Variants in CTNNA2 observed in about 807,000 individuals in gnomAD.
The protein encoded by CTNNA2 is catenin alpha-2.
In CTNNA2, 42 loss-of-function variants were observed where a neutral mutation model predicts 101.0. The ratio of observed to expected loss-of-function variants is 0.42; its 90% CI spans 0.32 to 0.54. The LOEUF is 0.54. Among genes scored for constraint, CTNNA2 ranks in the 20% least tolerant of loss-of-function variants. CTNNA2 has a pLI of 0.14. For synonymous variants in CTNNA2, 450 were observed against 456.4 expected (o/e 0.99, Z 0.18); for missense variants, 871 against 1,223.1 (o/e 0.71, Z 4.29).
chr2:80,607,671 A>C (rs1698144468), intron 16 of CTNNA2, among the ~76,000 whole-genome samples: 1 of 151,886 alleles, frequency 6.6e-6, no homozygotes, highest in African/African-American at 2.4e-5. Flanking sequence ...ATTAAATTCC[A>C]AAAAGTGTAA....
chr2:79,473,556 G>A (rs545342975), intron 4 of CTNNA2, among the ~76,000 whole-genome samples: 4 of 152,154 alleles, frequency 2.6e-5, no homozygotes, highest in South Asian at 2.1e-4. Context: ...TAATTATAGC[G>A]TATTCACATC....
In CTNNA2 at chr2:79,569,005, G is replaced by A. The variant is rs374154898; in HGVS notation, c.-6+55798G>A. Among the ~76,000 whole-genome samples, 155 of 152,054 alleles carry A rather than the reference G, an allele frequency of 1.0e-3. 3 individuals carry two copies. In the East Asian group the frequency reaches 0.021, roughly 20 times the overall value. On this transcript the variant is annotated intron_variant, in intron 1 of 18. Coordinates refer to ENST00000402739, the MANE Select transcript of CTNNA2 (RefSeq NM_001282597.3). ...GGTGAGATCATACCCCTGCACTACA[G>A]CCTTGGTTACAGAGCAAGACCCCGT...
intron 7 of CTNNA2, among the ~76,000 whole-genome samples, chr2:80,379,430 A>G (rs1676296164): frequency 6.6e-6 from 1 of 152,016 alleles, no homozygotes; most frequent in African/African-American, 2.4e-5. Context: ...GTATTGTTTT[A>G]GTGTGTCAGA....
chr2:79,808,099 T>A (rs192068408), intron 3 of CTNNA2, among the ~76,000 whole-genome samples: 1 of 152,182 alleles, frequency 6.6e-6, no homozygotes, highest in Non-Finnish European at 1.5e-5. Context: ...GAAATGCTGA[T>A]GAGAGTAATT....
intron 7 of CTNNA2, among the ~76,000 whole-genome samples, chr2:80,276,532 G>T (rs1673915826): frequency 6.6e-6 from 1 of 152,166 alleles, no homozygotes; most frequent in African/African-American, 2.4e-5. Flanking sequence ...GACTCTATAA[G>T]AAGCATGGTG....
chr2:80,318,216 C>T (rs1277753574), intron 7 of CTNNA2, among the ~76,000 whole-genome samples: 2 of 152,110 alleles, frequency 1.3e-5, no homozygotes, highest in Non-Finnish European at 2.9e-5. Context: ...GAATCATACT[C>T]CCAGAAGTCC....
chr2:79,280,216 ATC>A (rs1381465778), intron 2 of CTNNA2, among the ~76,000 whole-genome samples: 1 of 152,094 alleles, frequency 6.6e-6, no homozygotes, highest in Non-Finnish European at 1.5e-5. Context: ...ACCCATAATT[ATC>A]TGTTTCTCCT....
At chr2:80,195,010 C>T (rs1178366782) in intron 7 of CTNNA2, among the ~76,000 whole-genome samples, 2 of 152,050 alleles carry the variant, frequency 1.3e-5, no homozygotes, top group Non-Finnish European at 2.9e-5. Context: ...TAGTTTGCTT[C>T]GTGTATTTTA....
chr2:79,893,117 A>T (rs547380224), intron 6 of CTNNA2, among the ~76,000 whole-genome samples: 2 of 152,128 alleles, frequency 1.3e-5, no homozygotes, highest in Non-Finnish European at 2.9e-5. Flanking sequence ...TATGATAGGT[A>T]GTAAAAAAAT....
chr2:79,570,905 A>G (rs1290694002), intron 1 of CTNNA2, among the ~76,000 whole-genome samples: 21 of 152,138 alleles, frequency 1.4e-4, no homozygotes, highest in Admixed American at 1.0e-3. Flanking sequence ...GAAACATCCA[A>G]ACTCCAAAGT....
intron 9 of CTNNA2, among the ~76,000 whole-genome samples, chr2:80,500,565 A>G (rs1023904790): frequency 2.0e-5 from 3 of 152,242 alleles, no homozygotes; most frequent in Admixed American, 6.5e-5. Flanking sequence ...GAAAGAGGAC[A>G]TTGAAAAATT....
intron 7 of CTNNA2, among the ~76,000 whole-genome samples, chr2:80,048,802 G>A (rs2104319022): frequency 6.6e-6 from 1 of 152,292 alleles, no homozygotes; most frequent in African/African-American, 2.4e-5. Context: ...TGTAGGTGAA[G>A]GAAAGGAAGA....
chr2:79,288,946 C>G (rs1026597965), intron 2 of CTNNA2, among the ~76,000 whole-genome samples: 2 of 145,014 alleles, frequency 1.4e-5, no homozygotes, highest in African/African-American at 5.8e-5. Flanking sequence ...AAAAAGAAAA[C>G]AAGTCACTTA....
chr2:79,728,398 T>C (rs531686507), intron 2 of CTNNA2, among the ~76,000 whole-genome samples: 2 of 152,362 alleles, frequency 1.3e-5, no homozygotes, highest in African/African-American at 4.8e-5. Flanking sequence ...TGTCTGTTGA[T>C]ATCCTTCACC....
intron 7 of CTNNA2, among the ~76,000 whole-genome samples, chr2:80,012,427 T>C (rs1335762789): frequency 6.6e-6 from 1 of 152,138 alleles, no homozygotes; most frequent in East Asian, 1.9e-4. Context: ...GGGGCTACAT[T>C]TCCTAAGATT....
chr2:79,803,438 T>C (rs1378265299), intron 3 of CTNNA2, among the ~76,000 whole-genome samples: 1 of 152,210 alleles, frequency 6.6e-6, no homozygotes, highest in Non-Finnish European at 1.5e-5. Context: ...ACTAAAAGTA[T>C]CCCTTATGGG....
intron 9 of CTNNA2, among the ~76,000 whole-genome samples, chr2:80,512,252 A>G (rs916623116): frequency 2.0e-5 from 3 of 152,112 alleles, no homozygotes; most frequent in African/African-American, 7.2e-5. Flanking sequence ...TGTTTTAAAA[A>G]TATACAAATA....
At chr2:79,809,031 C>T (rs569587127) in intron 3 of CTNNA2, among the ~76,000 whole-genome samples, 2 of 152,250 alleles carry the variant, frequency 1.3e-5, no homozygotes, top group South Asian at 2.1e-4. Flanking sequence ...TGAGTGAGAA[C>T]ATGCGGTGTT....
intron 2 of CTNNA2, among the ~76,000 whole-genome samples, chr2:79,677,106 A>G (rs968204226): frequency 3.0e-4 from 46 of 152,242 alleles, no homozygotes; most frequent in African/African-American, 1.1e-3. Flanking sequence ...ATTTTTTTGC[A>G]CTTGTTTTCA....
Sources: gnomAD v4.1 joint callset for allele counts (sites outside exome capture counted in the v4.1 genomes callset) on GRCh38, gnomAD v4.1.1 for gene constraint, MANE v1.5 for transcripts, NCBI Gene and HGNC (gene_info 2026-07-23, HGNC 2026-07-21) for gene names.